Variants in PALS2 observed in about 807,000 individuals in gnomAD.
PALS2 encodes protein associated with LIN7 2, MAGUK p55 family member, also known as protein PALS2.
In PALS2, 27 loss-of-function variants were observed where a neutral mutation model predicts 61.6. The observed-to-expected ratio is 0.44, with a 90% CI of 0.32 to 0.60. The LOEUF is 0.60. Ranked by LOEUF, PALS2 falls within the 20% of genes least tolerant of loss-of-function variation. The pLI, the probability that PALS2 is intolerant of heterozygous loss-of-function variation, is 0.05. For missense variants in PALS2, 554 were observed against 639.4 expected (o/e 0.87, Z 1.44); for synonymous variants, 236 against 218.6 (o/e 1.08, Z -0.70).
At chr7:24,595,509 A>T (rs1245973038) in intron 1 of PALS2, among the ~76,000 whole-genome samples, 1 of 117,146 alleles carries the variant, frequency 8.5e-6, no homozygotes, top group Non-Finnish European at 1.7e-5. Flanking sequence ...TAATATATAT[A>T]ATATATAATA....
rs1376659665 is a variant in PALS2 at position 24,687,634 on chromosome 7, A to G, written c.*20A>G. ...TACTGATGATTCAGTAAGGTTAACA[A>G]TGAAAATTAAACTCTTAAAAAGTGA... On this transcript the variant is annotated 3_prime_UTR_variant, in exon 12 of 12. Transcript: ENST00000222644. This position sits in a 1 kb window ranked among gnomAD's most constrained non-coding sequence, Gnocchi z 4.5. 2 of 1,573,884 alleles carry G rather than the reference A, an allele frequency of 1.3e-6. No homozygotes were observed. Among genetic ancestry groups the G allele is most frequent in the East Asian group, 4.6e-5 (2 of 43,952 alleles).
At chr7:24,656,554 C>T (rs889885300) in intron 5 of PALS2, among the ~76,000 whole-genome samples, 5 of 152,012 alleles carry the variant, frequency 3.3e-5, no homozygotes, top group African/African-American at 4.8e-5. Context: ...CAGGGCCTCA[C>T]TCTGTCACCC....
Position 24,605,434 on chromosome 7 carries a change from G to A in PALS2, c.-2-18232G>A, listed in dbSNP as rs187241738. The stretch of plus-strand genomic sequence containing the variant: ...TGTTCTCCAAAATACATTTTTCTGT[G>A]GGAAAATAAGTTTCATATATCACTG... On this transcript the variant is annotated intron_variant, in intron 1 of 11. Transcript: ENST00000222644. Among the ~76,000 whole-genome samples, 391 of 152,070 alleles carry A rather than the reference G, an allele frequency of 2.6e-3. 1 individual carries two copies. The highest frequency in any genetic ancestry group is 8.9e-3 in the African/African-American group (370 of 41,488).
At chr7:24,654,901 A>G (rs1249443746) in intron 5 of PALS2, among the ~76,000 whole-genome samples, 3 of 152,216 alleles carry the variant, frequency 2.0e-5, no homozygotes, top group Admixed American at 1.3e-4. Context: ...GATATGTGAC[A>G]GAGATAATGT....
intron 9 of PALS2, among the ~76,000 whole-genome samples, chr7:24,672,233 G>A (rs866718469): frequency 6.6e-6 from 1 of 150,816 alleles, no homozygotes; most frequent in Non-Finnish European, 1.5e-5. Context: ...GTTTTGTTTT[G>A]TTTTGTTTTG....
intron 1 of PALS2, among the ~76,000 whole-genome samples, chr7:24,622,508 A>G (rs1784561191): frequency 1.3e-5 from 2 of 152,056 alleles, no homozygotes; most frequent in South Asian, 2.1e-4. Flanking sequence ...GTGTAACAAC[A>G]TATTGGTTGT....
At chr7:24,678,578 GT>G (rs1787748103) in intron 9 of PALS2, among the ~76,000 whole-genome samples, 1 of 152,128 alleles carries the variant, frequency 6.6e-6, no homozygotes, top group Non-Finnish European at 1.5e-5. Context: ...GCTTGCTCAC[GT>G]TTTGGGGCAG....
At chr7:24,615,891 T>A (rs1012960735) in intron 1 of PALS2, among the ~76,000 whole-genome samples, 1 of 152,062 alleles carries the variant, frequency 6.6e-6, no homozygotes, top group Non-Finnish European at 1.5e-5. Context: ...GATGCAGCAA[T>A]GGTTCAATAT....
At chr7:24,659,059 T>G (rs953780560) in intron 5 of PALS2, among the ~76,000 whole-genome samples, 4 of 152,188 alleles carry the variant, frequency 2.6e-5, no homozygotes, top group African/African-American at 9.7e-5. Context: ...TGTGTCGATA[T>G]GTACTCAATG....
intron 1 of PALS2, among the ~76,000 whole-genome samples, chr7:24,605,968 C>G (rs567844032): frequency 6.6e-6 from 1 of 152,136 alleles, no homozygotes; most frequent in Non-Finnish European, 1.5e-5. Flanking sequence ...CATCATTTCT[C>G]AAGTCATGGA....
chr7:24,680,416 G>C lies in PALS2; in HGVS notation c.1342G>C (p.Glu448Gln), dbSNP rs756312080. The change falls in exon 11 of 12, where the codon GAG becomes CAG. Residue 448 changes from glutamate to glutamine, a missense_variant. Coordinates refer to ENST00000222644, the MANE Select transcript of PALS2 (RefSeq NM_001303037.2). ...GGCACTGAAAGTATTGAGGACATCA[G>C]AGTTTATGCCCTATGTGGTATTTAT... ...PQALKVLRTS[E>Q]FMPYVVFIAA... is the part of the protein sequence containing the mutation. 1.1e-5 allele frequency: 18 copies of C among 1,613,052 alleles called. No individual in the cohort carries two copies. In the South Asian group the frequency reaches 1.9e-4, roughly 17 times the overall value.
chr7:24,621,178 A>G (rs1390278931), intron 1 of PALS2, among the ~76,000 whole-genome samples: 1 of 151,986 alleles, frequency 6.6e-6, no homozygotes, highest in Admixed American at 6.6e-5. Context: ...TGTTAATCCA[A>G]TACTTGTTTT....
At chr7:24,674,697 T>A (rs565403961) in intron 9 of PALS2, 1 of 152,230 alleles carries the variant, frequency 6.6e-6, no homozygotes, top group Non-Finnish European at 1.5e-5. Context: ...ATTTTCCATA[T>A]ATTTTTGAAT....
intron 1 of PALS2, among the ~76,000 whole-genome samples, chr7:24,586,537 A>G (rs528592375): frequency 3.9e-5 from 6 of 152,338 alleles, no homozygotes; most frequent in African/African-American, 1.4e-4. Context: ...GGTTGTGCAT[A>G]TAGGAAGTAA....
intron 9 of PALS2, among the ~76,000 whole-genome samples, chr7:24,673,798 T>C (rs1284294570): frequency 1.3e-5 from 2 of 152,072 alleles, no homozygotes; most frequent in Non-Finnish European, 2.9e-5. Context: ...CTATAATCTT[T>C]ATTATTTTCT....
At chr7:24,610,902 A>G (rs568213896) in intron 1 of PALS2, among the ~76,000 whole-genome samples, 3 of 152,288 alleles carry the variant, frequency 2.0e-5, no homozygotes, top group Admixed American at 2.0e-4. Flanking sequence ...ATCTGGTGAA[A>G]TAATTATTTT....
intron 1 of PALS2, among the ~76,000 whole-genome samples, chr7:24,590,246 C>G (rs2128043060): frequency 6.6e-6 from 1 of 152,240 alleles, no homozygotes; most frequent in South Asian, 2.1e-4. Context: ...GCTTTCTTTC[C>G]TGATAGTCTT....
intron 2 of PALS2, among the ~76,000 whole-genome samples, chr7:24,633,344 G>A (rs1395503532): frequency 3.5e-5 from 5 of 143,288 alleles, no homozygotes; most frequent in Non-Finnish European, 6.1e-5. Context: ...ATTCCAGGTT[G>A]GTGGAGTTTT....
intron 3 of PALS2, 75 bp downstream of exon 3, chr7:24,641,943 T>C: frequency 6.8e-7 from 1 of 1,468,198 alleles, no homozygotes; most frequent in Non-Finnish European, 9.3e-7. Context: ...CAGTTTAAGG[T>C]GATGTTTTCT....
Sources: gnomAD v4.1 joint callset for allele counts (sites outside exome capture counted in the v4.1 genomes callset) on GRCh38, gnomAD v4.1.1 for gene constraint, Gnocchi (gnomAD v3.1) non-coding constraint, MANE v1.5 for transcripts, NCBI Gene and HGNC (gene_info 2026-07-23, HGNC 2026-07-21) for gene names.